Variants in DENND4A observed in about 807,000 individuals in gnomAD.
DENND4A encodes the protein C-myc promoter-binding protein.
A neutral mutation model predicts 199.3 loss-of-function variants in DENND4A; 70 were observed. The observed-to-expected ratio is 0.35, with a 90% confidence interval of 0.29 to 0.43. DENND4A has a LOEUF of 0.43. Among genes scored for constraint, DENND4A ranks in the 20% least tolerant of loss-of-function variants. The pLI is 1.00. For missense variants in DENND4A, 1,723 were observed against 2,255.8 expected, an observed-to-expected ratio of 0.76 and a Z score of 4.78; for synonymous variants, 686 against 766.9, an observed-to-expected ratio of 0.89 and a Z score of 1.74.
intron 1 of DENND4A, chr15:65,767,311 A>C (rs2077013268): frequency 6.6e-6 from 1 of 152,182 alleles, no homozygotes; most frequent in Non-Finnish European, 1.5e-5. Flanking sequence ...CATATGTCTT[A>C]TTTATTCTCT....
chr15:65,784,758 T>C (rs1165839569), intron 1 of DENND4A, among the ~76,000 whole-genome samples: 2 of 152,026 alleles, frequency 1.3e-5, no homozygotes, highest in African/African-American at 4.8e-5. Flanking sequence ...CCTTAATTGG[T>C]AAGAACTACA....
chr15:65,731,580 T>C (rs2075959958), intron 9 of DENND4A, 62 bp downstream of exon 9: 5 of 1,261,706 alleles, frequency 4.0e-6, no homozygotes, highest in Middle Eastern at 1.9e-4. Context: ...CTAGGAAAAA[T>C]AAAATATTTG....
chr15:65,758,782 C>T (rs1024510485), intron 2 of DENND4A, among the ~76,000 whole-genome samples: 2 of 152,098 alleles, frequency 1.3e-5, no homozygotes, highest in South Asian at 2.1e-4. Flanking sequence ...ATTAGGTATA[C>T]ACACTATAGG....
In DENND4A at chr15:65,676,433, G is replaced by A. The variant is rs1182434775; in HGVS notation, c.4369+12C>T. ...AAATCAAATGCAGTATGACAGAACT[G>A]TTTGGACAAACCTTCCAAGGATGCA... On this transcript the variant is annotated intron_variant, in intron 24 of 32. Coordinates refer to ENST00000443035, the MANE Select transcript of DENND4A (RefSeq NM_001320835.1). 1 of 1,587,520 alleles carries A rather than the reference G, an allele frequency of 6.3e-7. No individual in the cohort carries two copies. Among genetic ancestry groups the A allele is most frequent in the Non-Finnish European group, 8.6e-7 (1 of 1,165,340 alleles).
intron 27 of DENND4A, among the ~76,000 whole-genome samples, chr15:65,668,859 G>T (rs2076130398): frequency 6.6e-6 from 1 of 151,570 alleles, no homozygotes; most frequent in Non-Finnish European, 1.5e-5. Flanking sequence ...ATGGCAACAT[G>T]AATGAAAGGA....
intron 3 of DENND4A, among the ~76,000 whole-genome samples, chr15:65,754,472 T>C (rs2076649473): frequency 6.6e-6 from 1 of 152,188 alleles, no homozygotes; most frequent in Non-Finnish European, 1.5e-5. Flanking sequence ...TTCAAAGGAT[T>C]CCATAAAGAA....
intron 1 of DENND4A, among the ~76,000 whole-genome samples, chr15:65,782,764 T>C (rs2077465830): frequency 6.6e-6 from 1 of 152,226 alleles, no homozygotes; most frequent in African/African-American, 2.4e-5. Flanking sequence ...TACAGGTACA[T>C]TTTAAGCTTT....
At position 65,720,893 on chromosome 15, in the gene DENND4A, T is replaced by C. The variant is rs1238828578; in HGVS notation, c.1588+1955A>G. On this transcript the variant is annotated intron_variant, in intron 12 of 32. Coordinates refer to ENST00000443035, the MANE Select transcript of DENND4A (RefSeq NM_001320835.1). ...ATCAGTATTATTTAAATGTTTGTAG[T>C]TTTAACCTTTGAGATTCTGCCTTTC... Among the ~76,000 whole-genome samples, 3 of 145,452 alleles carry C rather than the reference T, an allele frequency of 2.1e-5. 1 individual carries two copies. The highest frequency in any genetic ancestry group is 7.0e-5 in the Admixed American group (1 of 14,296).
intron 7 of DENND4A, among the ~76,000 whole-genome samples, chr15:65,734,394 T>A (rs1213161653): frequency 6.6e-6 from 1 of 152,206 alleles, no homozygotes; most frequent in East Asian, 1.9e-4. Flanking sequence ...TCCCCACTAT[T>A]GTCTTGTGAC....
chr15:65,661,063 G>A lies in DENND4A; in HGVS notation c.*788C>T, dbSNP rs1240064089. On this transcript the variant is annotated 3_prime_UTR_variant, in exon 33 of 33. Transcript: ENST00000443035. The stretch of plus-strand genomic sequence containing the variant: ...TATTAGCAATAGAGACAATTTTGGA[G>A]TCATGGTATAGTGAACCTCTCTGGC... 6.6e-6 allele frequency: 1 copy of A among 152,016 alleles called. No individual in the cohort carries two copies. The highest frequency in any genetic ancestry group is 1.5e-5 in the Non-Finnish European group (1 of 68,012). 9.4% of individuals were successfully genotyped at this position (152,016 alleles called of 1,614,324 possible).
intron 27 of DENND4A, 82 bp downstream of exon 27, chr15:65,669,697 G>A (rs754212947): frequency 1.2e-4 from 150 of 1,207,272 alleles, no homozygotes; most frequent in Non-Finnish European, 1.7e-4. Context: ...ACCTGGAAAT[G>A]GTCAACTAAT....
intron 1 of DENND4A, chr15:65,771,054 C>T (rs1332985008): frequency 2.1e-6 from 2 of 969,448 alleles, no homozygotes; most frequent in Non-Finnish European, 2.9e-6. Context: ...ATTTCAGGAA[C>T]CAACTATTCA....
chr15:65,711,606 T>G (rs185247823), intron 14 of DENND4A, among the ~76,000 whole-genome samples: 4 of 152,342 alleles, frequency 2.6e-5, no homozygotes, highest in Admixed American at 2.6e-4. Context: ...TTATTCAAAA[T>G]GTAGAAAATA....
At chr15:65,725,770 C>T (rs1232496975) in intron 11 of DENND4A, among the ~76,000 whole-genome samples, 1 of 152,104 alleles carries the variant, frequency 6.6e-6, no homozygotes, top group Non-Finnish European at 1.5e-5. Context: ...TAGCTTTACA[C>T]TTGGTACATA....
chr15:65,737,618 A>C, intron 7 of DENND4A, 89 bp downstream of exon 7: 1 of 1,276,496 alleles, frequency 7.8e-7, no homozygotes, highest in Non-Finnish European at 1.1e-6. Flanking sequence ...GAAATCTAGT[A>C]TCCATATAAA....
intron 32 of DENND4A, among the ~76,000 whole-genome samples, chr15:65,663,203 T>TTTA (rs1555410344): frequency 4.8e-5 from 7 of 144,532 alleles, no homozygotes; most frequent in African/African-American, 1.8e-4. Flanking sequence ...TATATATTTT[T>TTTA]TTTTTTTTAT....
chr15:65,788,326 C>T (rs975866444), intron 1 of DENND4A, among the ~76,000 whole-genome samples: 15 of 152,258 alleles, frequency 9.9e-5, no homozygotes, highest in Middle Eastern at 3.4e-3. Context: ...CCGCCCACCT[C>T]GGCCTCCCAA....
In DENND4A at chr15:65,771,526, C is replaced by T. The variant is rs993283904; in HGVS notation, c.-101-10088G>A. On this transcript the variant is annotated intron_variant, in intron 1 of 32. Coordinates refer to ENST00000443035, the MANE Select transcript of DENND4A (RefSeq NM_001320835.1). ...AGACCATCAACTGGCTTAATAATGA[C>T]ACGAGGATCAATACAATTATGGGCA... 5.6e-6 allele frequency: 9 copies of T among 1,611,706 alleles called. No homozygotes were observed. In the East Asian group the frequency reaches 8.9e-5, roughly 16 times the overall value.
At chr15:65,779,754 A>G (rs964538227) in intron 1 of DENND4A, among the ~76,000 whole-genome samples, 2 of 152,172 alleles carry the variant, frequency 1.3e-5, no homozygotes, top group African/African-American at 4.8e-5. Context: ...GGTTCAAGCA[A>G]TTCTTGTGCC....
Sources: allele counts gnomAD v4.1 joint callset (sites outside exome capture counted in the v4.1 genomes callset), GRCh38; gene constraint gnomAD v4.1.1; transcripts MANE v1.5; gene names NCBI Gene and HGNC (gene_info 2026-07-23, HGNC 2026-07-21).